Variants in THSD7B observed in about 807,000 individuals in gnomAD.
THSD7B encodes the protein thrombospondin type-1 domain-containing protein 7B.
Under a neutral mutation model 213.6 loss-of-function variants are expected in THSD7B, and 138 were observed. The ratio of observed to expected loss-of-function variants is 0.65; its 90% CI spans 0.56 to 0.74. THSD7B has a LOEUF of 0.74. Ranked by LOEUF, THSD7B falls within the 30% of genes least tolerant of loss-of-function variation. The pLI, the probability that THSD7B is intolerant of heterozygous loss-of-function variation, is 0.00. For missense variants in THSD7B, 1,931 were observed against 1,991.5 expected (o/e 0.97, Z 0.58); for synonymous variants, 742 against 687.0 (o/e 1.08, Z -1.25).
At chr2:137,438,442 T>C (rs556505747) in intron 14 of THSD7B, among the ~76,000 whole-genome samples, 1 of 152,244 alleles carries the variant, frequency 6.6e-6, no homozygotes, top group East Asian at 1.9e-4. Context: ...GTCTAGATAG[T>C]ATATATATTC....
At chr2:136,797,349 A>G (rs1015624463) in intron 1 of THSD7B, among the ~76,000 whole-genome samples, 3 of 151,912 alleles carry the variant, frequency 2.0e-5, no homozygotes, top group African/African-American at 7.2e-5. Flanking sequence ...AAATTAAATA[A>G]CCCTTCCATG....
chr2:136,986,565 G>A lies in THSD7B; in HGVS notation c.140-69855G>A, dbSNP rs545023453. Among the ~76,000 whole-genome samples, 9 of 152,256 alleles carry A rather than the reference G, an allele frequency of 5.9e-5. No individual in the cohort carries two copies. The South Asian group carries it at 6.2e-4, about 11-fold the overall frequency. ...TTTCTTTATAAATGATGCAGCCTCAGGTATTTCTTTATAGTAATGCACACG... is the reference window on the plus strand; with the variant it reads ...TTTCTTTATAAATGATGCAGCCTCAAGTATTTCTTTATAGTAATGCACACG... On this transcript the variant is annotated intron_variant, in intron 2 of 27. Transcript: ENST00000409968.
intron 10 of THSD7B, among the ~76,000 whole-genome samples, chr2:137,246,937 A>T (rs74631312): frequency 0.026 from 3,916 of 152,264 alleles, 181 homozygotes; most frequent in African/African-American, 0.089. Flanking sequence ...CAGCCCGCCC[A>T]GTCAGAATAT....
chr2:137,199,397 C>G (rs962331884), intron 7 of THSD7B, among the ~76,000 whole-genome samples: 1 of 152,152 alleles, frequency 6.6e-6, no homozygotes, highest in Non-Finnish European at 1.5e-5. Context: ...CCATTTACCT[C>G]TTCCCTCTAG....
chr2:137,554,704 G>A (rs972894749), intron 15 of THSD7B, among the ~76,000 whole-genome samples: 1 of 152,138 alleles, frequency 6.6e-6, no homozygotes, highest in Non-Finnish European at 1.5e-5. Context: ...AGTGGGTGCA[G>A]TACAGTGGAT....
chr2:136,860,183 G>A (rs1683237980), intron 1 of THSD7B, among the ~76,000 whole-genome samples: 1 of 151,862 alleles, frequency 6.6e-6, no homozygotes, highest in Non-Finnish European at 1.5e-5. Flanking sequence ...GTTGAGGATG[G>A]TATCTTAGGA....
At chr2:137,389,182 CATATATCTGTCATATAT>C (rs1273558084) in intron 12 of THSD7B, among the ~76,000 whole-genome samples, 1 of 87,334 alleles carries the variant, frequency 1.1e-5, no homozygotes, top group East Asian at 3.2e-4. Flanking sequence ...CCAGTCTCAC[CATATATCTGTCATATAT>C]ATATATATAT....
chr2:137,249,880 T>A (rs1214127636), intron 10 of THSD7B, among the ~76,000 whole-genome samples: 1 of 152,230 alleles, frequency 6.6e-6, no homozygotes, highest in Non-Finnish European at 1.5e-5. Flanking sequence ...AGGCTTTGCA[T>A]GTTATAGATC....
intron 17 of THSD7B, among the ~76,000 whole-genome samples, chr2:137,574,626 C>T (rs1425337130): frequency 6.6e-6 from 1 of 152,062 alleles, no homozygotes; most frequent in Non-Finnish European, 1.5e-5. Flanking sequence ...ATGGCCTTGT[C>T]CTTTTCAGAT....
intron 12 of THSD7B, among the ~76,000 whole-genome samples, chr2:137,369,982 G>GA (rs11379036): frequency 0.9 from 136,210 of 152,130 alleles, 61,959 homozygotes; most frequent in Non-Finnish European, 0.99. Flanking sequence ...AAAATTGGAA[G>GA]AAAAAATCTG....
At chr2:137,480,388 G>A (rs1298092448) in intron 15 of THSD7B, among the ~76,000 whole-genome samples, 1 of 152,120 alleles carries the variant, frequency 6.6e-6, no homozygotes, top group African/African-American at 2.4e-5. Flanking sequence ...CAAAACATTT[G>A]TGGTCGAGTT....
At chr2:137,142,032 A>G (rs1679598145) in intron 5 of THSD7B, among the ~76,000 whole-genome samples, 1 of 152,198 alleles carries the variant, frequency 6.6e-6, no homozygotes, top group Non-Finnish European at 1.5e-5. Flanking sequence ...TATTTCAACA[A>G]CATTCTTTAA....
At chr2:137,323,269 A>T (rs572393691) in intron 12 of THSD7B, among the ~76,000 whole-genome samples, 14 of 152,128 alleles carry the variant, frequency 9.2e-5, no homozygotes, top group Non-Finnish European at 1.8e-4. Flanking sequence ...TCAGAGGTGG[A>T]GGTAGCATGA....
intron 17 of THSD7B, among the ~76,000 whole-genome samples, chr2:137,575,152 C>T (rs999738598): frequency 6.6e-6 from 1 of 151,950 alleles, no homozygotes; most frequent in Non-Finnish European, 1.5e-5. Context: ...AGGTTTCTTA[C>T]TGGGAAGTGA....
rs544461114 is a variant in THSD7B at position 137,504,037 on chromosome 2, G to GA, written c.3138+53026dup. ...TGAGACTCCATCTCAAAAAAAAAAA[G>GA]AAAAAAAAAAAAGAAAGAGAAAAAG... On this transcript the variant is annotated intron_variant, in intron 15 of 27. Transcript: ENST00000409968. Among the ~76,000 whole-genome samples the GA allele has an allele frequency of 2.4e-3, 296 of 124,192 alleles. 3 individuals are homozygous for GA. The highest frequency in any genetic ancestry group is 0.021 in the Middle Eastern group (5 of 240). 81.5% of individuals were successfully genotyped at this position (124,192 alleles called of 152,430 possible).
At chr2:137,077,079 G>C (rs989381746) in intron 3 of THSD7B, among the ~76,000 whole-genome samples, 5 of 148,430 alleles carry the variant, frequency 3.4e-5, no homozygotes, top group Admixed American at 6.9e-5. Context: ...TGCAGTGTTT[G>C]GTTTTTTTGT....
At chr2:136,875,046 C>T (rs549647189) in intron 1 of THSD7B, among the ~76,000 whole-genome samples, 16 of 152,170 alleles carry the variant, frequency 1.1e-4, no homozygotes, top group African/African-American at 3.4e-4. Flanking sequence ...CAATACTTTC[C>T]AAGGAATAAT....
chr2:136,939,085 C>G (rs1373081398), intron 2 of THSD7B, among the ~76,000 whole-genome samples: 1 of 152,106 alleles, frequency 6.6e-6, no homozygotes, highest in East Asian at 1.9e-4. Context: ...TGGCATCTTT[C>G]CTAAATATCT....
At chr2:137,352,394 A>G (rs1293873595) in intron 12 of THSD7B, among the ~76,000 whole-genome samples, 1 of 151,924 alleles carries the variant, frequency 6.6e-6, no homozygotes, top group Non-Finnish European at 1.5e-5. Context: ...TCAAGGAGGG[A>G]CAAAAACTTG....
Sources: gnomAD v4.1 joint callset for allele counts (sites outside exome capture counted in the v4.1 genomes callset) on GRCh38, gnomAD v4.1.1 for gene constraint, MANE v1.5 for transcripts, NCBI Gene and HGNC (gene_info 2026-07-23, HGNC 2026-07-21) for gene names.